Variants in PPP1R16B observed in about 807,000 individuals in gnomAD.
The protein encoded by PPP1R16B is protein phosphatase 1 regulatory inhibitor subunit 16B.
Under a neutral mutation model 61.7 loss-of-function variants are expected in PPP1R16B, and 14 were observed. The ratio of observed to expected loss-of-function variants is 0.23; its 90% CI spans 0.15 to 0.35. The LOEUF (loss-of-function observed/expected upper bound fraction) is 0.35, where lower values mean the gene tolerates loss of function less well. PPP1R16B is among the 10% of genes least tolerant of loss of function. The pLI is 1.00. For missense variants in PPP1R16B, 547 were observed against 752.5 expected, an observed-to-expected ratio of 0.73 and a Z score of 3.19; for synonymous variants, 266 against 305.3, an observed-to-expected ratio of 0.87 and a Z score of 1.34.
intron 1 of PPP1R16B, among the ~76,000 whole-genome samples, chr20:38,830,636 T>C (rs982984234): frequency 2.0e-5 from 3 of 152,188 alleles, no homozygotes; most frequent in Non-Finnish European, 4.4e-5. Context: ...TGAAGGAGGA[T>C]TGGCATAGTT....
chr20:38,889,762 G>A, intron 3 of PPP1R16B, 97 bp downstream of exon 3: 2 of 1,240,552 alleles, frequency 1.6e-6, no homozygotes, highest in Non-Finnish European at 2.4e-6. Context: ...CCTCAGGGAG[G>A]AGGGAATGAG....
At chr20:38,893,721 C>A (rs1033007263) in intron 3 of PPP1R16B, among the ~76,000 whole-genome samples, 7 of 152,118 alleles carry the variant, frequency 4.6e-5, no homozygotes, top group African/African-American at 1.7e-4. Flanking sequence ...CCCAACGCAG[C>A]CCTTATTCAG....
intron 2 of PPP1R16B, among the ~76,000 whole-genome samples, chr20:38,843,644 T>A (rs1295701156): frequency 6.6e-6 from 1 of 152,190 alleles, no homozygotes; most frequent in Non-Finnish European, 1.5e-5. Context: ...ACTCACTAGG[T>A]CCAGCCCACA....
At chr20:38,838,336 G>C (rs976441073) in intron 2 of PPP1R16B, 1 of 152,384 alleles carries the variant, frequency 6.6e-6, no homozygotes, top group Admixed American at 6.5e-5. Context: ...GAGCAGAGAG[G>C]TGTGGCACTT....
intron 2 of PPP1R16B, among the ~76,000 whole-genome samples, chr20:38,840,984 A>G (rs1252754732): frequency 2.6e-5 from 4 of 152,212 alleles, no homozygotes; most frequent in Non-Finnish European, 4.4e-5. Flanking sequence ...ATCTATTATT[A>G]CAGCATATTC....
chr20:38,868,541 C>T (rs1363085101), intron 2 of PPP1R16B, among the ~76,000 whole-genome samples: 2 of 152,058 alleles, frequency 1.3e-5, no homozygotes, highest in Admixed American at 6.5e-5. Context: ...CATGCCACCT[C>T]GCCTGGCTAG....
Position 38,836,048 on chromosome 20 carries a change from G to A in PPP1R16B, c.123G>A (p.Glu41=). Reference sequence around the variant, plus strand: ...AGCTGAAGAAATGGGCACAGTACGAGCAGGACTTGCAGCACCGCAAGCGAA... The same window carrying A: ...AGCTGAAGAAATGGGCACAGTACGAACAGGACTTGCAGCACCGCAAGCGAA... The part of the protein sequence containing the change: ...AQQLKKWAQY[E]QDLQHRKRKH... The change falls in exon 2 of 11, where the codon GAG becomes GAA. Residue 41 remains glutamate (E), a synonymous_variant. Coordinates refer to ENST00000299824, the MANE Select transcript of PPP1R16B (RefSeq NM_015568.4). 1.2e-6 allele frequency: 2 copies of A among 1,609,436 alleles called. No individual in the cohort carries two copies. Among genetic ancestry groups the A allele is most frequent in the Non-Finnish European group, 1.7e-6 (2 of 1,178,664 alleles).
intron 1 of PPP1R16B, among the ~76,000 whole-genome samples, chr20:38,826,520 T>A (rs1191650889): frequency 6.6e-6 from 1 of 152,142 alleles, no homozygotes; most frequent in East Asian, 1.9e-4. Flanking sequence ...TTCATGGGTA[T>A]TCCTTTACCT....
intron 6 of PPP1R16B, among the ~76,000 whole-genome samples, chr20:38,903,574 C>T (rs2085414707): frequency 1.3e-5 from 1 of 75,954 alleles, no homozygotes; most frequent in Non-Finnish European, 2.8e-5. Context: ...TCCGTCCGTC[C>T]GTCCGTCCAT....
chr20:38,831,398 G>A (rs2084836334), intron 1 of PPP1R16B, among the ~76,000 whole-genome samples: 1 of 152,358 alleles, frequency 6.6e-6, no homozygotes, highest in East Asian at 1.9e-4. Context: ...CCGCCTAGCT[G>A]CTGTGTTCAC....
chr20:38,854,700 T>A (rs1168472449), intron 2 of PPP1R16B, among the ~76,000 whole-genome samples: 1 of 152,040 alleles, frequency 6.6e-6, no homozygotes, highest in African/African-American at 2.4e-5. Context: ...ATCTGTAAAG[T>A]GGAGAGAATG....
chr20:38,904,114 AT>A (rs1444239676), intron 6 of PPP1R16B, among the ~76,000 whole-genome samples: 3 of 152,128 alleles, frequency 2.0e-5, no homozygotes, highest in Non-Finnish European at 4.4e-5. Context: ...GCCCATTTCT[AT>A]TACTTGGGTG....
At chr20:38,850,276 G>A (rs1238454565) in intron 2 of PPP1R16B, among the ~76,000 whole-genome samples, 1 of 152,112 alleles carries the variant, frequency 6.6e-6, no homozygotes, top group Non-Finnish European at 1.5e-5. Context: ...TCTGGTTGGA[G>A]CCATATGCCC....
chr20:38,915,508 C>A (rs552522200), intron 10 of PPP1R16B, among the ~76,000 whole-genome samples: 1 of 151,756 alleles, frequency 6.6e-6, no homozygotes, highest in African/African-American at 2.4e-5. Flanking sequence ...TTTTTTGAGA[C>A]GGAGTCTCAC....
Position 38,835,872 on chromosome 20 carries a change from G to A in PPP1R16B, c.-54G>A. On this transcript the variant is annotated 5_prime_UTR_variant, in exon 2 of 11. Coordinates refer to ENST00000299824, the MANE Select transcript of PPP1R16B (RefSeq NM_015568.4). The stretch of plus-strand genomic sequence containing the variant: ...CCACCAGAGGCCCCGCGCTGCCCTG[G>A]CCCCCGGTGCACCGTGCTAGCCCCC... The A allele has an allele frequency of 6.8e-7, 1 of 1,475,026 alleles. No homozygotes were observed. Among genetic ancestry groups the A allele is most frequent in the South Asian group, 1.3e-5 (1 of 74,952 alleles). The allele number at this position is 1,475,026 out of a possible 1,614,324, so 91.4% of individuals were successfully genotyped here.
intron 1 of PPP1R16B, among the ~76,000 whole-genome samples, chr20:38,833,581 A>G (rs2084851025): frequency 2.0e-5 from 3 of 152,242 alleles, no homozygotes; most frequent in Admixed American, 2.0e-4. Context: ...ACAATGATCT[A>G]AAATAAAAAG....
intron 10 of PPP1R16B, among the ~76,000 whole-genome samples, chr20:38,914,319 G>T: frequency 6.6e-6 from 1 of 152,290 alleles, no homozygotes; most frequent in Middle Eastern, 3.4e-3. Context: ...TCGTCTGAGC[G>T]TTCTGGAAAT....
chr20:38,898,875 G>C (rs2085370012), intron 4 of PPP1R16B, among the ~76,000 whole-genome samples: 1 of 151,828 alleles, frequency 6.6e-6, no homozygotes, highest in Admixed American at 6.6e-5. Context: ...GTAATGGCAA[G>C]AACCACAATT....
At chr20:38,902,145 G>A (rs1464799567) in intron 5 of PPP1R16B, among the ~76,000 whole-genome samples, 1 of 152,170 alleles carries the variant, frequency 6.6e-6, no homozygotes, top group Non-Finnish European at 1.5e-5. Context: ...GTCTCTCTGG[G>A]CCCCTACCTC....
Sources: allele counts gnomAD v4.1 joint callset (sites outside exome capture counted in the v4.1 genomes callset), GRCh38; gene constraint gnomAD v4.1.1; transcripts MANE v1.5; gene names NCBI Gene and HGNC (gene_info 2026-07-23, HGNC 2026-07-21).